ZNF609: variants seen among roughly 807,000 people sequenced by gnomAD.
ZNF609 encodes zinc finger protein 609.
In ZNF609, 11 loss-of-function variants were observed where a neutral mutation model predicts 109.5. That is an observed-to-expected ratio of 0.10 (90% CI 0.06 to 0.17). ZNF609 has a LOEUF of 0.17. ZNF609 is among the 10% of genes least tolerant of loss of function. The pLI is 1.00. For synonymous variants in ZNF609, 646 were observed against 662.0 expected (o/e 0.98, Z 0.37); for missense variants, 1,559 against 1,772.4 (o/e 0.88, Z 2.16).
intron 2 of ZNF609, among the ~76,000 whole-genome samples, chr15:64,584,801 G>C (rs907436582): frequency 2.0e-5 from 3 of 150,488 alleles, no homozygotes; most frequent in African/African-American, 7.3e-5. Flanking sequence ...GCTAATTTTT[G>C]TATTTTTAGT....
intron 2 of ZNF609, among the ~76,000 whole-genome samples, chr15:64,567,633 A>G (rs1319418724): frequency 6.6e-6 from 1 of 152,164 alleles, no homozygotes; most frequent in East Asian, 1.9e-4. Context: ...TTGTGGCAAG[A>G]TATTTTCCCC....
chr15:64,611,339 T>G (rs139326923), intron 2 of ZNF609, among the ~76,000 whole-genome samples: 1 of 152,096 alleles, frequency 6.6e-6, no homozygotes, highest in Non-Finnish European at 1.5e-5. Context: ...AGGCAGGAGA[T>G]TGTAGAGTGA....
chr15:64,661,881 G>A (rs1896582696), intron 3 of ZNF609, among the ~76,000 whole-genome samples: 1 of 152,100 alleles, frequency 6.6e-6, no homozygotes, highest in South Asian at 2.1e-4. Context: ...GTCTACCTAG[G>A]GTAGACATTA....
intron 2 of ZNF609, among the ~76,000 whole-genome samples, chr15:64,577,076 A>AT (rs1347170615): frequency 2.1e-5 from 1 of 46,528 alleles, no homozygotes; most frequent in Non-Finnish European, 6.8e-5. Flanking sequence ...ATATATACAC[A>AT]AATATATACA....
chr15:64,479,047 T>A (rs1893212003), intron 1 of ZNF609, among the ~76,000 whole-genome samples: 1 of 152,162 alleles, frequency 6.6e-6, no homozygotes, highest in South Asian at 2.1e-4. Flanking sequence ...TGGTTTGTGT[T>A]AGTAGGCCCT....
Position 64,675,186 on chromosome 15 carries a change from T to C in ZNF609, c.2332T>C (p.Ser778Pro). 6.2e-7 allele frequency: 1 copy of C among 1,614,130 alleles called. No individual in the cohort carries two copies. Among genetic ancestry groups the C allele is most frequent in the Non-Finnish European group, 8.5e-7 (1 of 1,180,022 alleles). The change falls in exon 5 of 10, where the codon TCA becomes CCA. Residue 778 changes from serine to proline, a missense_variant. Coordinates refer to ENST00000326648, the MANE Select transcript of ZNF609 (RefSeq NM_015042.2). ...AATGGAGGGGCTCCTAAATGGCTCA[T>C]CAGACCCCCACCAAAGCCGACTGGC... Reference protein sequence around the residue: ...MKMEGLLNGSSDPHQSRLASI... With the variant: ...MKMEGLLNGSPDPHQSRLASI...
intron 2 of ZNF609, among the ~76,000 whole-genome samples, chr15:64,514,504 TCTC>T (rs1893779057): frequency 6.6e-6 from 1 of 152,218 alleles, no homozygotes; most frequent in South Asian, 2.1e-4. Context: ...GCAGAGCTGT[TCTC>T]CTCTTACCAA....
chr15:64,464,435 ATTG>A (rs888152384), intron 1 of ZNF609, among the ~76,000 whole-genome samples: 1 of 152,160 alleles, frequency 6.6e-6, no homozygotes, highest in Non-Finnish European at 1.5e-5. Flanking sequence ...TAGCTAAGCA[ATTG>A]TTATTTCCCT....
rs567333441 is a variant in ZNF609, at chr15:64,460,591, C to CGCG, written c.-361_-359dup. On this transcript the variant is annotated 5_prime_UTR_variant, in exon 1 of 10. Transcript: ENST00000326648. ...CCGGGTGACTCTGGTTGTCCCGGAT[C>CGCG]GCGGCGGCGGCGGCGGTGGCGGCGG... Among the ~76,000 whole-genome samples the CGCG allele has an allele frequency of 2.3e-4, 35 of 151,698 alleles. No individual in the cohort carries two copies. In the East Asian group the frequency reaches 3.3e-3, roughly 14 times the overall value.
intron 2 of ZNF609, among the ~76,000 whole-genome samples, chr15:64,524,686 T>C (rs1339791419): frequency 2.0e-5 from 3 of 152,226 alleles, no homozygotes; most frequent in Non-Finnish European, 4.4e-5. Context: ...TATATAAATA[T>C]ACCACATTTG....
chr15:64,557,592 A>G (rs1894609885), intron 2 of ZNF609, among the ~76,000 whole-genome samples: 1 of 152,216 alleles, frequency 6.6e-6, no homozygotes, highest in Non-Finnish European at 1.5e-5. Context: ...CATGAATCTT[A>G]TAATCAGTGA....
intron 2 of ZNF609, among the ~76,000 whole-genome samples, chr15:64,518,715 A>G (rs1893848887): frequency 6.6e-6 from 1 of 152,152 alleles, no homozygotes; most frequent in Non-Finnish European, 1.5e-5. Flanking sequence ...ATTTGAGAGA[A>G]TAGAAGTTCA....
intron 3 of ZNF609, among the ~76,000 whole-genome samples, chr15:64,639,316 C>T (rs1896220463): frequency 6.6e-6 from 1 of 152,156 alleles, no homozygotes; most frequent in African/African-American, 2.4e-5. Context: ...TATTAATTTC[C>T]TGGGCTGCTG....
intron 2 of ZNF609, among the ~76,000 whole-genome samples, chr15:64,578,309 A>G (rs989473137): frequency 7.9e-5 from 12 of 151,970 alleles, no homozygotes; most frequent in Admixed American, 7.9e-4. Context: ...AAGTCTTGTC[A>G]TTAGTCTATT....
chr15:64,516,363 T>C (rs1481322833), intron 2 of ZNF609, among the ~76,000 whole-genome samples: 1 of 151,086 alleles, frequency 6.6e-6, no homozygotes, highest in African/African-American at 2.5e-5. Context: ...AGAGGTGGGG[T>C]TTTTTTGTTT....
intron 3 of ZNF609, among the ~76,000 whole-genome samples, chr15:64,665,601 GA>G (rs886323678): frequency 6.6e-6 from 1 of 152,046 alleles, no homozygotes; most frequent in Admixed American, 6.6e-5. Context: ...TAAACAAACA[GA>G]AAAAATTATA....
At chr15:64,598,742 G>GTGTATA (rs1477685716) in intron 2 of ZNF609, among the ~76,000 whole-genome samples, 23 of 60,262 alleles carry the variant, frequency 3.8e-4, no homozygotes, top group Non-Finnish European at 6.2e-4. Context: ...CTTTGTGTGT[G>GTGTATA]TATATATATA....
chr15:64,519,728 T>C (rs949832123), intron 2 of ZNF609, among the ~76,000 whole-genome samples: 1 of 152,234 alleles, frequency 6.6e-6, no homozygotes, highest in African/African-American at 2.4e-5. Flanking sequence ...TTTTTCTTTT[T>C]TGACCTAATT....
At chr15:64,551,086 C>CT (rs903830486) in intron 2 of ZNF609, among the ~76,000 whole-genome samples, 18 of 151,722 alleles carry the variant, frequency 1.2e-4, no homozygotes, top group East Asian at 1.9e-4. Context: ...AGGATGGTCC[C>CT]TTTTTTTTGT....
Sources: gnomAD v4.1 joint callset for allele counts (sites outside exome capture counted in the v4.1 genomes callset) on GRCh38, gnomAD v4.1.1 for gene constraint, MANE v1.5 for transcripts, NCBI Gene and HGNC (gene_info 2026-07-23, HGNC 2026-07-21) for gene names.